The following PRIMA1 variants were observed in gnomAD, a reference collection of about 807,000 sequenced individuals.
PRIMA1 encodes proline-rich membrane anchor 1.
A neutral mutation model predicts 17.5 loss-of-function variants in PRIMA1; 7 were observed. That is an observed-to-expected ratio of 0.40 (90% CI 0.23 to 0.75). PRIMA1 has a LOEUF of 0.75. PRIMA1 is among the 30% of genes least tolerant of loss of function. The pLI is 0.37. For missense variants in PRIMA1, 200 were observed against 201.8 expected, an observed-to-expected ratio of 0.99 and a Z score of 0.05; for synonymous variants, 97 against 77.9, an observed-to-expected ratio of 1.25 and a Z score of -1.29.
intron 2 of PRIMA1, among the ~76,000 whole-genome samples, chr14:93,787,205 T>A (rs374993511): frequency 6.6e-6 from 1 of 152,316 alleles, no homozygotes; most frequent in South Asian, 2.1e-4. Flanking sequence ...CTGATACCTA[T>A]AAGAAACACG....
rs1394746613 is a variant in PRIMA1, at chr14:93,726,726, CACAT to C, written c.360-5184_360-5181del. Among the ~76,000 whole-genome samples, 1 of 151,958 alleles carries C rather than the reference CACAT, an allele frequency of 6.6e-6. No individual in the cohort carries two copies. The highest frequency in any genetic ancestry group is 2.1e-4 in the South Asian group (1 of 4,828). ...CCATACAAACATGTACTTACACACA[CACAT>C]ATATGTACACACAGGCACATACGCA... On this transcript the variant is annotated intron_variant, in intron 4 of 4. Transcript: ENST00000393140. This position sits in a 1 kb window ranked among gnomAD's most constrained non-coding sequence, Gnocchi z 4.2.
At chr14:93,722,815 T>C (rs1166039584) in intron 4 of PRIMA1, among the ~76,000 whole-genome samples, 1 of 1,228 alleles carries the variant, frequency 8.1e-4, no homozygotes. Flanking sequence ...GCGATGATAG[T>C]GATGGTAATG....
intron 3 of PRIMA1, among the ~76,000 whole-genome samples, chr14:93,748,438 G>T (rs1239096037): frequency 6.6e-6 from 1 of 152,194 alleles, no homozygotes; most frequent in Admixed American, 6.5e-5. Context: ...GGAAAGGGGC[G>T]ATAGGGCCAC....
At position 93,726,278 on chromosome 14, in the gene PRIMA1, C is replaced by G. The variant is rs2076075583; in HGVS notation, c.360-4732G>C. Among the ~76,000 whole-genome samples the G allele has an allele frequency of 2.0e-5, 3 of 152,208 alleles. No homozygotes were observed. The highest frequency in any genetic ancestry group is 1.3e-4 in the Admixed American group (2 of 15,290). Reference sequence around the variant, plus strand: ...AGGACCCAGGTACCCCTCTTAGGCCCTGCTGATCATGATGTGACAGCCTCC... The same window carrying G: ...AGGACCCAGGTACCCCTCTTAGGCCGTGCTGATCATGATGTGACAGCCTCC... On this transcript the variant is annotated intron_variant, in intron 4 of 4. Transcript: ENST00000393140. The surrounding 1 kb of genome is among the most constrained non-coding windows in gnomAD (Gnocchi z 4.2).
chr14:93,778,833 G>A (rs1195274579), intron 3 of PRIMA1, among the ~76,000 whole-genome samples: 1 of 152,166 alleles, frequency 6.6e-6, no homozygotes, highest in Non-Finnish European at 1.5e-5. Flanking sequence ...TAGAGAAATA[G>A]AACTGTGTGT....
chr14:93,726,088 C>T lies in PRIMA1; in HGVS notation c.360-4542G>A. ...CTTGTAGGAGGGTGGGCTCTGCCAC[C>T]TTCAGACTTCTTGTCCCCTGCCCTG... On this transcript the variant is annotated intron_variant, in intron 4 of 4. Transcript: ENST00000393140. This position sits in a 1 kb window ranked among gnomAD's most constrained non-coding sequence, Gnocchi z 4.2. 2.2e-6 allele frequency: 1 copy of T among 456,018 alleles called. No homozygotes were observed. The highest frequency in any genetic ancestry group is 1.6e-5 in the South Asian group (1 of 64,504). The allele number at this position is 456,018 out of a possible 1,614,324, so 28.2% of individuals were successfully genotyped here. A position where few individuals can be genotyped will look rare whatever the true frequency, so the allele number is the denominator to read the frequency against.
intron 2 of PRIMA1, among the ~76,000 whole-genome samples, chr14:93,782,670 G>T (rs57797924): frequency 0.11 from 16,529 of 152,178 alleles, 1,127 homozygotes; most frequent in Admixed American, 0.21. Flanking sequence ...TTACATAAGG[G>T]CCTCTCTGAA....
chr14:93,755,459 C>T (rs1035884019), intron 3 of PRIMA1, among the ~76,000 whole-genome samples: 1 of 152,074 alleles, frequency 6.6e-6, no homozygotes. Flanking sequence ...ATTTCCTAAC[C>T]CAAAAAGCAG....
Position 93,720,132 on chromosome 14 carries a change from A to C in PRIMA1, c.*1312T>G, listed in dbSNP as rs1456734396. Reference sequence around the variant, plus strand: ...AATGCATTGGGCTCCTTCTGAGCACATATGTAGGGGTGGTGGGGAGAGCCA... The same window carrying C: ...AATGCATTGGGCTCCTTCTGAGCACCTATGTAGGGGTGGTGGGGAGAGCCA... On this transcript the variant is annotated 3_prime_UTR_variant, in exon 5 of 5. Transcript: ENST00000393140. The C allele has an allele frequency of 1.3e-5, 2 of 152,264 alleles. No homozygotes were observed. The highest frequency in any genetic ancestry group is 4.8e-5 in the African/African-American group (2 of 41,458). 9.4% of individuals were successfully genotyped at this position (152,264 alleles called of 1,614,324 possible). A position where few individuals can be genotyped will look rare whatever the true frequency, so the allele number is the denominator to read the frequency against.
upstream of PRIMA1, chr14:93,788,605 G>A (rs1885602030): frequency 6.6e-6 from 1 of 152,002 alleles, no homozygotes; most frequent in African/African-American, 2.4e-5. Flanking sequence ...CACATGCCGG[G>A]GAGGAGCGCC....
intron 3 of PRIMA1, among the ~76,000 whole-genome samples, chr14:93,748,691 C>G (rs77304768): frequency 6.6e-6 from 1 of 152,106 alleles, no homozygotes; most frequent in African/African-American, 2.4e-5. Context: ...GCCACTTGCT[C>G]CCCTGGCTTA....
chr14:93,774,554 T>A (rs1490360443), intron 3 of PRIMA1, among the ~76,000 whole-genome samples: 1 of 152,214 alleles, frequency 6.6e-6, no homozygotes, highest in Non-Finnish European at 1.5e-5. Context: ...TCCTGCCTGA[T>A]CCTTGGGCTG....
intron 4 of PRIMA1, among the ~76,000 whole-genome samples, chr14:93,731,993 G>A (rs988657426): frequency 1.3e-5 from 2 of 152,224 alleles, no homozygotes; most frequent in Non-Finnish European, 2.9e-5. Context: ...CCACATCCAG[G>A]AAGCAGCACG....
At position 93,748,813 on chromosome 14, in the gene PRIMA1, C is replaced by A. The variant is rs569305460; in HGVS notation, c.230-11443G>T. On this transcript the variant is annotated intron_variant, in intron 3 of 4. Transcript: ENST00000393140. ...GCTCCTGAGGGGACATTAAAAAAAA[C>A]CCCAATACATTATTAATAATTGTCT... Among the ~76,000 whole-genome samples, 10 of 152,132 alleles carry A rather than the reference C, an allele frequency of 6.6e-5. No individual in the cohort carries two copies. The East Asian group carries it at 1.4e-3, about 21-fold the overall frequency.
intron 4 of PRIMA1, among the ~76,000 whole-genome samples, chr14:93,728,343 C>T (rs369580847): frequency 3.3e-5 from 5 of 152,140 alleles, no homozygotes; most frequent in South Asian, 2.1e-4. Flanking sequence ...GAGAGAATAG[C>T]GGGAGGCCTG....
At chr14:93,729,830 G>A (rs2076102238) in intron 4 of PRIMA1, among the ~76,000 whole-genome samples, 1 of 152,086 alleles carries the variant, frequency 6.6e-6, no homozygotes. Context: ...GCTTGGAGAG[G>A]GGACCGCTGA....
At chr14:93,782,962 C>T (rs1320103878) in intron 2 of PRIMA1, among the ~76,000 whole-genome samples, 2 of 152,192 alleles carry the variant, frequency 1.3e-5, no homozygotes, top group African/African-American at 2.4e-5. Flanking sequence ...GACAGGGTTT[C>T]GCTATGTTGA....
rs147378600 is a variant in PRIMA1, at chr14:93,725,436, C to T, written c.360-3890G>A. On this transcript the variant is annotated intron_variant, in intron 4 of 4. Transcript: ENST00000393140. ...CATGGAAGCTGGGTGTTCCCTAAAG[C>T]GAAGACGGCTCCACCTCTGCACCCC... Among the ~76,000 whole-genome samples the T allele has an allele frequency of 8.1e-3, 1,239 of 152,192 alleles. 18 individuals carry two copies. The highest frequency in any genetic ancestry group is 0.028 in the African/African-American group (1,175 of 41,504).
chr14:93,755,821 A>T (rs1395924554), intron 3 of PRIMA1, among the ~76,000 whole-genome samples: 1 of 151,662 alleles, frequency 6.6e-6, no homozygotes, highest in Non-Finnish European at 1.5e-5. Flanking sequence ...CCCACCCCCC[A>T]GAGCCAACCC....
Sources: gnomAD v4.1 joint callset for allele counts (sites outside exome capture counted in the v4.1 genomes callset) on GRCh38, gnomAD v4.1.1 for gene constraint, Gnocchi (gnomAD v3.1) non-coding constraint, MANE v1.5 for transcripts, NCBI Gene and HGNC (gene_info 2026-07-23, HGNC 2026-07-21) for gene names.